PACRG: variants seen among roughly 807,000 people sequenced by gnomAD.
PACRG encodes the protein parkin coregulated, also known as parkin coregulated gene protein.
A neutral mutation model predicts 29.7 loss-of-function variants in PACRG; 29 were observed. That is an observed-to-expected ratio of 0.98 (90% confidence interval 0.73 to 1.33). The LOEUF (loss-of-function observed/expected upper bound fraction) is 1.33, where lower values mean the gene tolerates loss of function less well. PACRG is among the 40% of genes most tolerant of loss of function. The pLI, the probability that PACRG is intolerant of heterozygous loss-of-function variation, is 0.00. For missense variants in PACRG, 279 were observed against 316.2 expected (o/e 0.88, Z 0.89); for synonymous variants, 116 against 118.7 (o/e 0.98, Z 0.15).
intron 4 of PACRG, among the ~76,000 whole-genome samples, chr6:163,241,283 A>G (rs1478921745): frequency 6.6e-6 from 1 of 152,204 alleles, no homozygotes; most frequent in Non-Finnish European, 1.5e-5. Flanking sequence ...ATGTTCACTT[A>G]ACATATTTTC....
At chr6:163,225,038 C>A (rs1293676217) in intron 4 of PACRG, among the ~76,000 whole-genome samples, 4 of 152,042 alleles carry the variant, frequency 2.6e-5, no homozygotes, top group South Asian at 4.2e-4. Flanking sequence ...GGCAAAGGAT[C>A]TGAATAGACA....
chr6:162,978,644 A>T (rs1802157290), intron 2 of PACRG, among the ~76,000 whole-genome samples: 1 of 152,192 alleles, frequency 6.6e-6, no homozygotes, highest in Admixed American at 6.5e-5. Context: ...TTTATTCAGC[A>T]TTTTATTCTT....
At chr6:163,212,149 G>A (rs1274572836) in intron 4 of PACRG, among the ~76,000 whole-genome samples, 1 of 152,182 alleles carries the variant, frequency 6.6e-6, no homozygotes, top group African/African-American at 2.4e-5. Flanking sequence ...TGGGAGCCAA[G>A]AGAGTTACAA....
chr6:162,995,975 A>G (rs561031263), intron 2 of PACRG, among the ~76,000 whole-genome samples: 35 of 152,326 alleles, frequency 2.3e-4, no homozygotes, highest in African/African-American at 8.2e-4. Flanking sequence ...TGATTGCTGG[A>G]TCATGTGATG....
intron 2 of PACRG, among the ~76,000 whole-genome samples, chr6:162,957,049 A>C (rs1259890460): frequency 6.6e-6 from 1 of 152,126 alleles, no homozygotes; most frequent in Non-Finnish European, 1.5e-5. Flanking sequence ...TAAAAAAAAA[A>C]AACCAAGCAA....
intron 4 of PACRG, among the ~76,000 whole-genome samples, chr6:163,103,390 C>T (rs920172210): frequency 6.6e-6 from 1 of 152,170 alleles, no homozygotes; most frequent in Non-Finnish European, 1.5e-5. Flanking sequence ...GGTTTCCTAT[C>T]ACTCGGCCTC....
chr6:162,767,614 A>T (rs952018867), intron 1 of PACRG, among the ~76,000 whole-genome samples: 12 of 151,716 alleles, frequency 7.9e-5, no homozygotes, highest in African/African-American at 2.7e-4. Flanking sequence ...ACATTCTGAC[A>T]ATTTGGGGAG....
At chr6:163,234,518 G>T (rs1782160019) in intron 4 of PACRG, among the ~76,000 whole-genome samples, 1 of 152,170 alleles carries the variant, frequency 6.6e-6, no homozygotes, top group African/African-American at 2.4e-5. Context: ...GGCCTGCAGA[G>T]CCATGAGCCA....
chr6:163,073,834 C>T (rs1812297496), intron 3 of PACRG, among the ~76,000 whole-genome samples: 1 of 152,150 alleles, frequency 6.6e-6, no homozygotes. Flanking sequence ...TGAAAAGGTT[C>T]TCGACATAAT....
chr6:162,784,594 A>G (rs932271264), intron 1 of PACRG, among the ~76,000 whole-genome samples: 1 of 152,186 alleles, frequency 6.6e-6, no homozygotes, highest in Admixed American at 6.5e-5. Context: ...ACAGAAATGC[A>G]GGAGTTGGTT....
At chr6:163,078,518 C>A (rs576953452) in intron 3 of PACRG, among the ~76,000 whole-genome samples, 16 of 149,194 alleles carry the variant, frequency 1.1e-4, no homozygotes, top group Non-Finnish European at 2.4e-4. Context: ...GGGAGGGGGG[C>A]AATGATGATA....
chr6:162,766,085 A>T (rs1292683874), intron 1 of PACRG, among the ~76,000 whole-genome samples: 1 of 152,142 alleles, frequency 6.6e-6, no homozygotes, highest in Non-Finnish European at 1.5e-5. Flanking sequence ...AACATTTAAA[A>T]TTCTCTCTTT....
At chr6:162,952,980 T>C (rs181481629) in intron 2 of PACRG, among the ~76,000 whole-genome samples, 178 of 152,316 alleles carry the variant, frequency 1.2e-3, no homozygotes, top group Non-Finnish European at 1.9e-3. Context: ...TTCAAATATA[T>C]AAAAAAATCT....
At chr6:163,011,098 G>C (rs1446379712) in intron 2 of PACRG, among the ~76,000 whole-genome samples, 2 of 148,218 alleles carry the variant, frequency 1.3e-5, no homozygotes, top group African/African-American at 4.9e-5. Flanking sequence ...GTGAGTAAGG[G>C]GTAGAGAAGA....
intron 2 of PACRG, among the ~76,000 whole-genome samples, chr6:162,899,148 G>A (rs1484943799): frequency 2.0e-5 from 3 of 152,172 alleles, no homozygotes; most frequent in African/African-American, 4.8e-5. Context: ...CTTTTTGTGT[G>A]CTGAGGGGTT....
chr6:163,199,351 C>T (rs1428802598), intron 4 of PACRG, among the ~76,000 whole-genome samples: 2 of 152,166 alleles, frequency 1.3e-5, no homozygotes, highest in East Asian at 1.9e-4. Context: ...CACCAGAGGG[C>T]CTTCAGCTAG....
intron 4 of PACRG, among the ~76,000 whole-genome samples, chr6:163,182,384 T>A (rs2128354649): frequency 6.6e-6 from 1 of 152,382 alleles, no homozygotes; most frequent in Admixed American, 6.5e-5. Context: ...GCAAGAATGA[T>A]CTTTGGAATG....
At chr6:162,849,823 T>C (rs903892330) in intron 2 of PACRG, among the ~76,000 whole-genome samples, 3 of 152,372 alleles carry the variant, frequency 2.0e-5, no homozygotes, top group African/African-American at 7.2e-5. Context: ...GTTTGCCATT[T>C]GACAGTAAAT....
intron 4 of PACRG, among the ~76,000 whole-genome samples, chr6:163,249,398 T>C (rs753702574): frequency 6.6e-6 from 1 of 152,214 alleles, no homozygotes; most frequent in East Asian, 1.9e-4. Flanking sequence ...AATTCATTTG[T>C]TACATTTATT....
Sources: allele counts gnomAD v4.1 joint callset (sites outside exome capture counted in the v4.1 genomes callset), GRCh38; gene constraint gnomAD v4.1.1; transcripts MANE v1.5; gene names NCBI Gene and HGNC (gene_info 2026-07-23, HGNC 2026-07-21).